PPP1R13B: variants seen among roughly 807,000 people sequenced by gnomAD.
The protein encoded by PPP1R13B is protein phosphatase 1 regulatory subunit 13B, also known as apoptosis-stimulating of p53 protein 1.
In PPP1R13B, 44 loss-of-function variants were observed where a neutral mutation model predicts 119.8. The observed-to-expected ratio is 0.37, with a 90% confidence interval of 0.29 to 0.47. The LOEUF (loss-of-function observed/expected upper bound fraction) is 0.47. Among genes scored for constraint, PPP1R13B ranks in the 20% least tolerant of loss-of-function variants. PPP1R13B has a pLI of 0.99. For synonymous variants in PPP1R13B, 542 were observed against 561.5 expected (o/e 0.97, Z 0.49); for missense variants, 1,227 against 1,413.5 (o/e 0.87, Z 2.12).
At position 103,734,494 on chromosome 14, in the gene PPP1R13B, G is replaced by A. The variant is rs1186055343; in HGVS notation, c.*660C>T. On this transcript the variant is annotated 3_prime_UTR_variant, in exon 17 of 17. Transcript: ENST00000202556. ...TCTCCCAGTTGTCACTTGGTCTTAG[G>A]GGTCCTGGTGCCCGTGGCGCGGCAG... 13 of 456,294 alleles carry A rather than the reference G, an allele frequency of 2.8e-5. No homozygotes were observed. Among genetic ancestry groups the A allele is most frequent in the South Asian group, 1.2e-4 (8 of 64,548 alleles). The allele number at this position is 456,294 out of a possible 1,614,324, so 28.3% of individuals were successfully genotyped here. A position where few individuals can be genotyped will look rare whatever the true frequency, so the allele number is the denominator to read the frequency against.
chr14:103,784,223 T>C (rs2085398763), intron 3 of PPP1R13B, among the ~76,000 whole-genome samples: 1 of 151,830 alleles, frequency 6.6e-6, no homozygotes. Context: ...TCCCTTTATA[T>C]GTCTGAGTAC....
At chr14:103,798,987 G>C (rs2085828092) in intron 1 of PPP1R13B, among the ~76,000 whole-genome samples, 1 of 126,772 alleles carries the variant, frequency 7.9e-6, no homozygotes, top group Admixed American at 7.6e-5. Flanking sequence ...ACTACACCTG[G>C]TGTTTTTTTG....
At position 103,819,874 on chromosome 14, in the gene PPP1R13B, G is replaced by A. The variant is rs374066116; in HGVS notation, c.10-22356C>T. 3.3e-5 allele frequency among the ~76,000 whole-genome samples: 5 copies of A among 152,230 alleles called. No homozygotes were observed. In the South Asian group the frequency reaches 6.2e-4, roughly 19 times the overall value. ...ACTTGAAACCAAAAGGAACTTAACC[G>A]CTACAATTATTATCATTTTACAAAG... is the stretch of plus-strand genomic sequence containing the variant. On this transcript the variant is annotated intron_variant, in intron 1 of 16. Transcript: ENST00000202556.
At chr14:103,844,274 T>TA (rs543799996) in intron 1 of PPP1R13B, among the ~76,000 whole-genome samples, 36 of 128,878 alleles carry the variant, frequency 2.8e-4, no homozygotes, top group Middle Eastern at 4.3e-3. Flanking sequence ...TCTCGAAAAA[T>TA]AAAAAAAAAA....
chr14:103,797,820 A>T (rs1412774813), intron 1 of PPP1R13B, among the ~76,000 whole-genome samples: 1 of 152,102 alleles, frequency 6.6e-6, no homozygotes, highest in Non-Finnish European at 1.5e-5. Context: ...ATACCCCAGA[A>T]ATAGACCCAA....
intron 12 of PPP1R13B, 130 bp downstream of exon 12, chr14:103,739,694 C>T (rs1045525166): frequency 1.7e-6 from 2 of 1,158,138 alleles, no homozygotes; most frequent in South Asian, 3.3e-5. Context: ...GTCCTCCCTA[C>T]AAGACGTAAC....
At chr14:103,735,580 C>G (rs904973448) in intron 16 of PPP1R13B, among the ~76,000 whole-genome samples, 1 of 152,224 alleles carries the variant, frequency 6.6e-6, no homozygotes, top group Non-Finnish European at 1.5e-5. Flanking sequence ...AGGCAGCTCC[C>G]TCTGCCAGAG....
At chr14:103,781,267 C>T (rs571104628) in intron 3 of PPP1R13B, among the ~76,000 whole-genome samples, 45 of 152,250 alleles carry the variant, frequency 3.0e-4, no homozygotes, top group Non-Finnish European at 5.6e-4. Context: ...AAAATAAATC[C>T]TTAGCACTAA....
chr14:103,825,888 A>G (rs900894327), intron 1 of PPP1R13B, among the ~76,000 whole-genome samples: 4 of 151,112 alleles, frequency 2.6e-5, no homozygotes, highest in Non-Finnish European at 4.4e-5. Flanking sequence ...TCTATCGCCA[A>G]GGCTGGAGTA....
intron 1 of PPP1R13B, among the ~76,000 whole-genome samples, chr14:103,820,819 CT>C (rs977353222): frequency 6.6e-6 from 1 of 152,018 alleles, no homozygotes; most frequent in African/African-American, 2.4e-5. Context: ...AGAAGAAAAG[CT>C]TACATTAGAA....
rs146343751 is a variant in PPP1R13B, at chr14:103,825,814, A to G, written c.9+21485T>C. Among the ~76,000 whole-genome samples, 26 of 151,854 alleles carry G rather than the reference A, an allele frequency of 1.7e-4. No individual in the cohort carries two copies. The East Asian group carries it at 3.7e-3, about 22-fold the overall frequency. On this transcript the variant is annotated intron_variant, in intron 1 of 16. Coordinates refer to ENST00000202556, the MANE Select transcript of PPP1R13B (RefSeq NM_015316.3). The stretch of plus-strand genomic sequence containing the variant: ...AATCACTGACGAAGGTGACTACACT[A>G]AACAACACTGTAGACAGTGATTTTT...
At position 103,741,978 on chromosome 14, in the gene PPP1R13B, G is replaced by C; in HGVS notation, c.1634C>G (p.Pro545Arg). The change falls in exon 11 of 17, where the codon CCT becomes CGT. Residue 545 changes from proline (P) to arginine (R), a missense_variant. Transcript: ENST00000202556. ...PPAFPAGDSK[P>R]ELPLTVAIRP... ...AATGGCCACTGTCAGTGGGAGTTCA[G>C]GCTTGCTGTCCCCAGCTGGAAATGC... The C allele has an allele frequency of 6.2e-7, 1 of 1,614,278 alleles. No individual in the cohort carries two copies. Among genetic ancestry groups the C allele is most frequent in the Non-Finnish European group, 8.5e-7 (1 of 1,180,056 alleles).
rs375650187 is a variant in PPP1R13B at position 103,778,774 on chromosome 14, C to T, written c.325G>A (p.Val109Ile). The change falls in exon 4 of 17, where the codon GTA becomes ATA. Residue 109 changes from valine to isoleucine, a missense_variant. Coordinates refer to ENST00000202556, the MANE Select transcript of PPP1R13B (RefSeq NM_015316.3). ...TTTTCAGTACGTTTTTCTCCAGGTACATTTATTACATTTCTCTGAGTTCGT... is the reference window on the plus strand; with the variant it reads ...TTTTCAGTACGTTTTTCTCCAGGTATATTTATTACATTTCTCTGAGTTCGT... ...EQRTQRNVIN[V>I]PGEKRTENGV... 228 of 1,613,896 alleles carry T rather than the reference C, an allele frequency of 1.4e-4. No individual in the cohort carries two copies. Among genetic ancestry groups the T allele is most frequent in the Non-Finnish European group, 1.9e-4 (224 of 1,179,926 alleles).
At chr14:103,840,386 G>A (rs1320256175) in intron 1 of PPP1R13B, among the ~76,000 whole-genome samples, 2 of 152,236 alleles carry the variant, frequency 1.3e-5, no homozygotes, top group Non-Finnish European at 2.9e-5. Context: ...CTAAGAAACT[G>A]TTAATCCTAA....
intron 1 of PPP1R13B, among the ~76,000 whole-genome samples, chr14:103,842,527 T>G (rs1165012684): frequency 6.6e-6 from 1 of 151,406 alleles, no homozygotes; most frequent in Non-Finnish European, 1.5e-5. Context: ...GGTCTTGAAC[T>G]CCTGACCTCA....
At chr14:103,781,103 C>T (rs911952893) in intron 3 of PPP1R13B, among the ~76,000 whole-genome samples, 2 of 151,918 alleles carry the variant, frequency 1.3e-5, no homozygotes, top group Non-Finnish European at 2.9e-5. Flanking sequence ...ATACTCAGCC[C>T]GTTTCCAAAC....
In PPP1R13B at chr14:103,746,429, A is replaced by C. The variant is rs1265548227; in HGVS notation, c.1094T>G (p.Ile365Arg). The C allele has an allele frequency of 6.2e-7, 1 of 1,613,950 alleles. No homozygotes were observed. The highest frequency in any genetic ancestry group is 8.5e-7 in the Non-Finnish European group (1 of 1,179,946). ...AGSFPVLGDP[I>R]KPQSLSIASN... Reference sequence around the variant, plus strand: ...GGCAATACTGAGAGACTGGGGCTTTATAGGGTCCCCCAGCACAGGAAAGCT... The same window carrying C: ...GGCAATACTGAGAGACTGGGGCTTTCTAGGGTCCCCCAGCACAGGAAAGCT... The change falls in exon 9 of 17, where the codon ATA (isoleucine) becomes AGA (arginine). Residue 365 changes from isoleucine (I) to arginine (R), a missense_variant. By Grantham distance (97) the Ile-to-Arg change is moderately conservative (BLOSUM62 -3). Transcript: ENST00000202556.
chr14:103,794,157 T>G lies in PPP1R13B; in HGVS notation c.157+3214A>C, dbSNP rs966128217. Among the ~76,000 whole-genome samples, 45 of 152,184 alleles carry G rather than the reference T, an allele frequency of 3.0e-4. 3 individuals are homozygous for G. Among genetic ancestry groups the G allele is most frequent in the Non-Finnish European group, 5.9e-5 (4 of 68,032 alleles). ...TGTGAGAAAATAAATTACTGTTGTT[T>G]AAGCCACCCAGTCTGTGGCACTTTG... On this transcript the variant is annotated intron_variant, in intron 2 of 16. Coordinates refer to ENST00000202556, the MANE Select transcript of PPP1R13B (RefSeq NM_015316.3).
At chr14:103,762,945 T>A (rs1299049698) in intron 4 of PPP1R13B, 3 of 1,009,084 alleles carry the variant, frequency 3.0e-6, no homozygotes, top group Non-Finnish European at 4.6e-6. Flanking sequence ...GTCTACAGTA[T>A]CTGCTAAATA....
Sources: allele counts gnomAD v4.1 joint callset (sites outside exome capture counted in the v4.1 genomes callset), GRCh38; gene constraint gnomAD v4.1.1; transcripts MANE v1.5; gene names NCBI Gene and HGNC (gene_info 2026-07-23, HGNC 2026-07-21).